IFT43: variants seen among roughly 807,000 people sequenced by gnomAD.
The protein encoded by IFT43 is intraflagellar transport protein 43 homolog.
Under a neutral mutation model 32.3 loss-of-function variants are expected in IFT43, and 33 were observed. That is an observed-to-expected ratio of 1.02 (90% confidence interval 0.77 to 1.37). The LOEUF (loss-of-function observed/expected upper bound fraction) is 1.37, where lower values mean the gene tolerates loss of function less well. IFT43 is among the 40% of genes most tolerant of loss of function. The pLI, the probability that IFT43 is intolerant of heterozygous loss-of-function variation, is 0.00. For synonymous variants in IFT43, 93 were observed against 98.2 expected (o/e 0.95, Z 0.31); for missense variants, 274 against 265.9 (o/e 1.03, Z -0.21).
rs12894191 is a variant in IFT43 at position 76,015,042 on chromosome 14, T to A, written c.148-7285T>A. Among the ~76,000 whole-genome samples, 986 of 152,306 alleles carry A rather than the reference T, an allele frequency of 6.5e-3. 9 individuals are homozygous for A. The highest frequency in any genetic ancestry group is 0.021 in the South Asian group (99 of 4,828). ...GAACATTTGGGACAGGGATGACATC[T>A]TCTACTTTTTCTATTGCACCTAGTG... On this transcript the variant is annotated intron_variant, in intron 2 of 8. Coordinates refer to ENST00000314067, the MANE Select transcript of IFT43 (RefSeq NM_001102564.3).
At chr14:76,076,169 A>G (rs1324847403) in intron 5 of IFT43, among the ~76,000 whole-genome samples, 2 of 152,218 alleles carry the variant, frequency 1.3e-5, no homozygotes, top group Non-Finnish European at 2.9e-5. Flanking sequence ...GTGTGTAACC[A>G]AACGGCATTT....
chr14:76,051,220 G>A (rs952593757), intron 3 of IFT43, among the ~76,000 whole-genome samples: 2 of 147,250 alleles, frequency 1.4e-5, no homozygotes, highest in Non-Finnish European at 3.0e-5. Context: ...GTACCTAGCG[G>A]CATATACTAG....
intron 3 of IFT43, among the ~76,000 whole-genome samples, chr14:76,045,830 C>A (rs1209337547): frequency 1.3e-5 from 2 of 152,186 alleles, no homozygotes; most frequent in South Asian, 4.1e-4. Context: ...CCCCTCAGCC[C>A]CAGAGAGGCT....
chr14:76,013,736 A>G, intron 2 of IFT43: 1 of 350,962 alleles, frequency 2.8e-6, no homozygotes, highest in Non-Finnish European at 5.5e-6. Context: ...GTGGAATGAA[A>G]AACTTCGTAA....
At chr14:76,078,515 T>C (rs970522920) in intron 5 of IFT43, among the ~76,000 whole-genome samples, 4 of 152,102 alleles carry the variant, frequency 2.6e-5, no homozygotes, top group African/African-American at 9.7e-5. Flanking sequence ...GTTCCATCAG[T>C]ATCCTTGAAC....
At chr14:76,032,872 C>T (rs755639988) in intron 3 of IFT43, among the ~76,000 whole-genome samples, 3 of 152,006 alleles carry the variant, frequency 2.0e-5, no homozygotes, top group Non-Finnish European at 2.9e-5. Context: ...GTTGGATGTG[C>T]GGCAGAGGGA....
chr14:76,039,111 T>C (rs2036658325), intron 3 of IFT43, among the ~76,000 whole-genome samples: 1 of 152,026 alleles, frequency 6.6e-6, no homozygotes, highest in African/African-American at 2.4e-5. Context: ...CACAACCCCT[T>C]TTTGTAATGG....
intron 3 of IFT43, among the ~76,000 whole-genome samples, chr14:76,035,296 C>A (rs1283127238): frequency 6.6e-6 from 1 of 152,176 alleles, no homozygotes; most frequent in Non-Finnish European, 1.5e-5. Context: ...ATCTCACTCT[C>A]CTCACATAAA....
Position 76,025,152 on chromosome 14 carries a change from T to G in IFT43, c.215+2758T>G, listed in dbSNP as rs566104613. 9.2e-5 allele frequency among the ~76,000 whole-genome samples: 14 copies of G among 152,354 alleles called. No homozygotes were observed. The South Asian group carries it at 2.9e-3, about 32-fold the overall frequency. Reference sequence around the variant, plus strand: ...TAACTACTTAAGATATACACAGGAATAGTTTCTCAAAGAATAGTCATTATT... The same window carrying G: ...TAACTACTTAAGATATACACAGGAAGAGTTTCTCAAAGAATAGTCATTATT... On this transcript the variant is annotated intron_variant, in intron 3 of 8. Coordinates refer to ENST00000314067, the MANE Select transcript of IFT43 (RefSeq NM_001102564.3).
intron 3 of IFT43, among the ~76,000 whole-genome samples, chr14:76,051,198 G>A (rs2036907861): frequency 2.0e-5 from 3 of 148,200 alleles, no homozygotes; most frequent in Non-Finnish European, 4.4e-5. Flanking sequence ...TTAAAAGAAG[G>A]AAGAAAATAT....
At position 76,058,641 on chromosome 14, in the gene IFT43, G is replaced by A; in HGVS notation, c.216-1G>A. On this transcript the variant is annotated splice_acceptor_variant, in intron 3 of 8. Coordinates refer to ENST00000314067, the MANE Select transcript of IFT43 (RefSeq NM_001102564.3). LOFTEE classifies it high-confidence loss of function. ...CCTTGTCTTTTCTTTTTTTTTTTCAGGTTTAGGAGGAAGGCTTCTGAAGAA... is the reference window on the plus strand; with the variant it reads ...CCTTGTCTTTTCTTTTTTTTTTTCAAGTTTAGGAGGAAGGCTTCTGAAGAA... 5 of 1,609,994 alleles carry A rather than the reference G, an allele frequency of 3.1e-6. No homozygotes were observed. The highest frequency in any genetic ancestry group is 4.2e-6 in the Non-Finnish European group (5 of 1,178,298).
intron 2 of IFT43, among the ~76,000 whole-genome samples, chr14:76,007,708 A>G (rs886666841): frequency 6.6e-6 from 1 of 152,196 alleles, no homozygotes; most frequent in Non-Finnish European, 1.5e-5. Flanking sequence ...ACAGAAATGT[A>G]TAGGTTTTGG....
chr14:76,035,877 T>C (rs1017563081), intron 3 of IFT43, among the ~76,000 whole-genome samples: 1 of 152,204 alleles, frequency 6.6e-6, no homozygotes, highest in African/African-American at 2.4e-5. Context: ...ATGAGAAGTC[T>C]CATCTGTCCA....
intron 5 of IFT43, among the ~76,000 whole-genome samples, chr14:76,060,825 C>T (rs569889806): frequency 1.1e-5 from 1 of 91,110 alleles, no homozygotes; most frequent in South Asian, 5.3e-4. Flanking sequence ...TCCCTCCCTC[C>T]CTTTCTTCCT....
intron 3 of IFT43, among the ~76,000 whole-genome samples, chr14:76,039,246 C>T (rs185381381): frequency 5.9e-5 from 9 of 152,212 alleles, no homozygotes. Flanking sequence ...TGTCCTCCGG[C>T]CTCAGCCTCC....
intron 3 of IFT43, among the ~76,000 whole-genome samples, chr14:76,051,971 C>T (rs1021992141): frequency 2.6e-5 from 4 of 152,170 alleles, no homozygotes; most frequent in Admixed American, 2.0e-4. Flanking sequence ...CTCCCCAGGT[C>T]GGAGTGATCC....
At chr14:76,047,401 A>G (rs2036828533) in intron 3 of IFT43, among the ~76,000 whole-genome samples, 1 of 152,144 alleles carries the variant, frequency 6.6e-6, no homozygotes, top group African/African-American at 2.4e-5. Flanking sequence ...CTATGTAGCT[A>G]TCCTCTTTCC....
chr14:75,990,672 A>G (rs867677561), intron 2 of IFT43, among the ~76,000 whole-genome samples: 21 of 152,294 alleles, frequency 1.4e-4, no homozygotes, highest in South Asian at 8.3e-4. Flanking sequence ...AGGCACAGTT[A>G]GGAGAGGTGA....
intron 3 of IFT43, among the ~76,000 whole-genome samples, chr14:76,035,322 C>G (rs559293364): frequency 6.6e-6 from 1 of 152,326 alleles, no homozygotes; most frequent in South Asian, 2.1e-4. Context: ...ATTGGCTGCT[C>G]ATTCCTTCTC....
Sources: gnomAD v4.1 joint callset for allele counts (sites outside exome capture counted in the v4.1 genomes callset) on GRCh38, gnomAD v4.1.1 for gene constraint, MANE v1.5 for transcripts, NCBI Gene and HGNC (gene_info 2026-07-23, HGNC 2026-07-21) for gene names.